MICAL3: variants seen among roughly 807,000 people sequenced by gnomAD.
The protein encoded by MICAL3 is microtubule associated monooxygenase, calponin and LIM domain containing 3, also known as [F-actin]-monooxygenase MICAL3.
A neutral mutation model predicts 207.4 loss-of-function variants in MICAL3; 62 were observed. That is an observed-to-expected ratio of 0.30 (90% CI 0.24 to 0.37). The LOEUF (loss-of-function observed/expected upper bound fraction) is 0.37, where lower values mean the gene tolerates loss of function less well. Among genes scored for constraint, MICAL3 ranks in the 10% least tolerant of loss-of-function variants. The probability of loss-of-function intolerance (pLI) is 1.00; values close to 1 mark genes in which losing one functional copy is unlikely to be tolerated. For missense variants in MICAL3, 2,368 were observed against 2,635.6 expected (o/e 0.90, Z 2.22); for synonymous variants, 1,077 against 1,069.3 (o/e 1.01, Z -0.14).
At chr22:17,872,251 C>T (rs908141430) in intron 16 of MICAL3, among the ~76,000 whole-genome samples, 5 of 152,242 alleles carry the variant, frequency 3.3e-5, no homozygotes, top group East Asian at 1.9e-4. Context: ...GGCACAACCG[C>T]GAAAGCCTGG....
rs749311239 is a variant in MICAL3 at position 17,865,904 on chromosome 22, T to G, written c.2517+20A>C. The G allele has an allele frequency of 6.3e-7, 1 of 1,599,244 alleles. No homozygotes were observed. The highest frequency in any genetic ancestry group is 1.3e-5 in the African/African-American group (1 of 74,566). On this transcript the variant is annotated intron_variant, in intron 18 of 31. Coordinates refer to ENST00000441493, the MANE Select transcript of MICAL3 (RefSeq NM_015241.3). ...CAACACCCACTGCTTCTCCCCCACT[T>G]ACAGGAGAGTCACCATTACCTTTCC...
At chr22:17,910,031 A>G (rs1932010347) in intron 1 of MICAL3, among the ~76,000 whole-genome samples, 1 of 152,212 alleles carries the variant, frequency 6.6e-6, no homozygotes, top group Admixed American at 6.5e-5. Flanking sequence ...CTTTGCATAC[A>G]CTGGGTCTGA....
intron 6 of MICAL3, among the ~76,000 whole-genome samples, chr22:17,899,789 G>C (rs1931168016): frequency 6.6e-6 from 1 of 151,790 alleles, no homozygotes; most frequent in South Asian, 2.1e-4. Flanking sequence ...ACAGTAAACA[G>C]AACTGTTTTT....
At chr22:17,826,270 G>A (rs533448016) in intron 22 of MICAL3, among the ~76,000 whole-genome samples, 1 of 136,158 alleles carries the variant, frequency 7.3e-6, no homozygotes, top group Non-Finnish European at 1.7e-5. Context: ...TGCCCTGAAG[G>A]GGGGGTGTGC....
At chr22:17,875,053 A>G (rs1440375436) in intron 16 of MICAL3, among the ~76,000 whole-genome samples, 1 of 152,090 alleles carries the variant, frequency 6.6e-6, no homozygotes, top group African/African-American at 2.4e-5. Flanking sequence ...CCGCATCATC[A>G]CCCCTCCATT....
In MICAL3 at chr22:17,818,859, T is replaced by G; in HGVS notation, c.3802A>C (p.Thr1268Pro). Residue 1268 changes from threonine to proline, a missense_variant, in exon 26 of 32, where the codon ACC becomes CCC. Thr to Pro is a conservative substitution (Grantham distance 38, BLOSUM62 -1). Coordinates refer to ENST00000441493, the MANE Select transcript of MICAL3 (RefSeq NM_015241.3). The stretch of plus-strand genomic sequence containing the variant: ...GTAGGGGATGGGACAGTGGCCTCGG[T>G]GGAAGGCTGGGGCTGGGAGCAGATG... ...LPICSQPQPSTEATVPSPTQS... is the reference protein window; with the variant it reads ...LPICSQPQPSPEATVPSPTQS... The G allele has an allele frequency of 2.0e-6, 3 of 1,470,632 alleles. No homozygotes were observed. Among genetic ancestry groups the G allele is most frequent in the Non-Finnish European group, 2.7e-6 (3 of 1,105,614 alleles). 91.1% of individuals were successfully genotyped at this position (1,470,632 alleles called of 1,614,324 possible).
chr22:17,866,108 G>C (rs1927080205), intron 17 of MICAL3, 96 bp from the exon 18 acceptor site: 3 of 900,238 alleles, frequency 3.3e-6, no homozygotes, highest in Non-Finnish European at 5.5e-6. Flanking sequence ...ATCTCCTCCA[G>C]CCTCACAAGG....
At chr22:18,022,002 C>G (rs908769109) in intron 1 of MICAL3, among the ~76,000 whole-genome samples, 1 of 152,158 alleles carries the variant, frequency 6.6e-6, no homozygotes, top group Admixed American at 6.5e-5. Context: ...TGGTGAAGTT[C>G]TGGCACCAGG....
chr22:17,982,961 A>T (rs1270393096), intron 1 of MICAL3, among the ~76,000 whole-genome samples: 3 of 152,122 alleles, frequency 2.0e-5, no homozygotes, highest in Non-Finnish European at 2.9e-5. Context: ...CCTCATCTGG[A>T]AAGGACAGAG....
chr22:17,846,986 C>G (rs1460370240), intron 19 of MICAL3, among the ~76,000 whole-genome samples: 1 of 152,220 alleles, frequency 6.6e-6, no homozygotes, highest in East Asian at 1.9e-4. Context: ...AAACGTTTCT[C>G]CTAACAGGAC....
rs1922346555 is a variant in MICAL3 at position 17,827,646 on chromosome 22, C to G, written c.3191G>C (p.Gly1064Ala). 1 of 1,563,906 alleles carries G rather than the reference C, an allele frequency of 6.4e-7. No homozygotes were observed. Among genetic ancestry groups the G allele is most frequent in the African/African-American group, 1.4e-5 (1 of 73,722 alleles). The change falls in exon 22 of 32, where the codon GGA (glycine) becomes GCA (alanine). Residue 1064 changes from glycine to alanine, a missense_variant and splice_region_variant. Around this residue, in one of 4 missense-constraint regions of MICAL3, gnomAD observed 1,770 missense variants for 1,863.2 expected, o/e 0.95. Transcript: ENST00000441493. The part of the protein sequence containing the change: ...MAPASESSAS[G>A]APLDENDLEE... ...GGCCTGGGGCTGGGAGTGTTTACCT[C>G]CGGAAGCAGAGGACTCAGAGGCCGG...
chr22:17,957,334 A>G (rs1934664854), intron 1 of MICAL3, among the ~76,000 whole-genome samples: 1 of 152,248 alleles, frequency 6.6e-6, no homozygotes, highest in Non-Finnish European at 1.5e-5. Context: ...CCTTTTACAT[A>G]AAAAGAAAAT....
intron 19 of MICAL3, among the ~76,000 whole-genome samples, chr22:17,858,963 C>T (rs1602071050): frequency 1.3e-5 from 2 of 152,154 alleles, no homozygotes; most frequent in African/African-American, 4.8e-5. Context: ...TCACTTATTG[C>T]GCCCCCCACA....
In MICAL3 at chr22:17,996,275, T is replaced by TA. The variant is rs757015850; in HGVS notation, c.-75+28005dup. Among the ~76,000 whole-genome samples the TA allele has an allele frequency of 2.7e-3, 396 of 145,846 alleles. 2 individuals are homozygous for TA. The highest frequency in any genetic ancestry group is 3.7e-3 in the African/African-American group (149 of 39,852). ...TAACACGGTGAAACCTTGTCTCTAC[T>TA]AAAAAAAAAATACAGAAAATTAGCC... is the stretch of plus-strand genomic sequence containing the variant. On this transcript the variant is annotated intron_variant, in intron 1 of 31. Transcript: ENST00000441493.
At chr22:17,821,551 C>T in intron 24 of MICAL3, 42 bp from the exon 25 acceptor site, 1 of 1,494,522 alleles carries the variant, frequency 6.7e-7, no homozygotes, top group Admixed American at 2.2e-5. Context: ...GGAAGCCCCC[C>T]CATGTGCCAG....
intron 1 of MICAL3, among the ~76,000 whole-genome samples, chr22:17,991,298 G>C (rs1214873757): frequency 6.6e-6 from 1 of 152,230 alleles, no homozygotes; most frequent in East Asian, 1.9e-4. Flanking sequence ...GAAAGTGACA[G>C]GCAGTCATTC....
chr22:17,944,846 C>G (rs893762329), intron 1 of MICAL3, among the ~76,000 whole-genome samples: 2 of 152,120 alleles, frequency 1.3e-5, no homozygotes, highest in Non-Finnish European at 2.9e-5. Flanking sequence ...GGAGAAGAGG[C>G]TGAGGCGGAG....
intron 1 of MICAL3, among the ~76,000 whole-genome samples, chr22:17,954,801 TAGTGGTG>T (rs1934533271): frequency 1.3e-5 from 2 of 151,620 alleles, no homozygotes; most frequent in African/African-American, 4.8e-5. Flanking sequence ...GGCTGGAGTG[TAGTGGTG>T]CGATCTCAGC....
chr22:17,996,668 C>T (rs1194103831), intron 1 of MICAL3, among the ~76,000 whole-genome samples: 1 of 152,098 alleles, frequency 6.6e-6, no homozygotes, highest in Non-Finnish European at 1.5e-5. Flanking sequence ...CCAGGGGATC[C>T]GAGCTGAATT....
Sources: allele counts gnomAD v4.1 joint callset (sites outside exome capture counted in the v4.1 genomes callset), GRCh38; gene constraint gnomAD v4.1.1; regional missense constraint gnomAD v4.1.1; transcripts MANE v1.5; gene names NCBI Gene and HGNC (gene_info 2026-07-23, HGNC 2026-07-21).